The following POU6F2 variants were observed in gnomAD, a reference collection of about 807,000 sequenced individuals.
POU6F2 encodes the protein POU class 6 homeobox 2.
A neutral mutation model predicts 71.3 loss-of-function variants in POU6F2; 31 were observed. That is an observed-to-expected ratio of 0.43 (90% CI 0.33 to 0.59). POU6F2 has a LOEUF of 0.59. Ranked by LOEUF, POU6F2 falls within the 20% of genes least tolerant of loss-of-function variation. POU6F2 has a pLI of 0.04. For missense variants in POU6F2, 783 were observed against 856.8 expected (o/e 0.91, Z 1.07); for synonymous variants, 347 against 355.7 (o/e 0.98, Z 0.27).
intron 1 of POU6F2, among the ~76,000 whole-genome samples, chr7:39,002,464 C>T (rs1394331608): frequency 6.6e-6 from 1 of 152,202 alleles, no homozygotes; most frequent in Non-Finnish European, 1.5e-5. Flanking sequence ...TCTCGTGCCT[C>T]AGCCTCCCAA....
At chr7:39,285,437 C>T (rs1784635100) in intron 4 of POU6F2, among the ~76,000 whole-genome samples, 1 of 152,162 alleles carries the variant, frequency 6.6e-6, no homozygotes, top group African/African-American at 2.4e-5. Context: ...CAAAAAGGCC[C>T]TTTGAATGTG....
chr7:39,395,392 C>G (rs951143002), intron 5 of POU6F2, among the ~76,000 whole-genome samples: 11 of 152,180 alleles, frequency 7.2e-5, no homozygotes, highest in African/African-American at 2.4e-4. Context: ...TCTCACTGCC[C>G]TCACAATCAA....
intron 5 of POU6F2, among the ~76,000 whole-genome samples, chr7:39,353,765 G>A (rs1205177772): frequency 6.6e-6 from 1 of 152,048 alleles, no homozygotes; most frequent in Non-Finnish European, 1.5e-5. Flanking sequence ...GGGGCTGCAG[G>A]TCTTCACACT....
intron 4 of POU6F2, among the ~76,000 whole-genome samples, chr7:39,271,658 C>T (rs1406225142): frequency 2.0e-5 from 3 of 152,140 alleles, no homozygotes; most frequent in Non-Finnish European, 4.4e-5. Flanking sequence ...GCAAAATTCC[C>T]GTCTCGTGGC....
chr7:39,326,412 G>C (rs114823337), intron 4 of POU6F2, among the ~76,000 whole-genome samples: 1,911 of 152,338 alleles, frequency 0.013, 52 homozygotes, highest in African/African-American at 0.044. Flanking sequence ...GTGAAGGCAA[G>C]ATTCTCTGAT....
At chr7:39,098,342 A>G (rs1791497055) in intron 2 of POU6F2, among the ~76,000 whole-genome samples, 1 of 151,884 alleles carries the variant, frequency 6.6e-6, no homozygotes, top group Non-Finnish European at 1.5e-5. Flanking sequence ...CGGTGGTATG[A>G]TCATGGCTGC....
chr7:39,396,227 CA>C (rs1193906616), intron 5 of POU6F2, among the ~76,000 whole-genome samples: 1 of 152,160 alleles, frequency 6.6e-6, no homozygotes, highest in Non-Finnish European at 1.5e-5. Context: ...ACTTCAAAAT[CA>C]AATCAATGTA....
At chr7:39,413,466 CTGTA>C (rs1787597717) in intron 6 of POU6F2, among the ~76,000 whole-genome samples, 1 of 152,070 alleles carries the variant, frequency 6.6e-6, no homozygotes, top group Non-Finnish European at 1.5e-5. Context: ...GAGTTGGTGT[CTGTA>C]TGTTTTCTCA....
At chr7:39,048,120 A>G (rs1790328203) in intron 1 of POU6F2, among the ~76,000 whole-genome samples, 1 of 152,020 alleles carries the variant, frequency 6.6e-6, no homozygotes, top group African/African-American at 2.4e-5. Context: ...GAAGCTATCT[A>G]GAACTAGGAG....
chr7:39,176,449 C>T (rs1489531462), intron 2 of POU6F2, among the ~76,000 whole-genome samples: 1 of 152,154 alleles, frequency 6.6e-6, no homozygotes. Flanking sequence ...ACTCAATGCC[C>T]TCATGAAGCC....
rs1349533424 is a variant in POU6F2, at chr7:39,451,695, G to GTCAGCAGTAAGTATCCTTTCTGGC, written c.1486_1489+20dup. 2.5e-6 allele frequency: 4 copies of GTCAGCAGTAAGTATCCTTTCTGGC among 1,588,088 alleles called. No individual in the cohort carries two copies. The African/African-American group carries it at 5.4e-5, about 21-fold the overall frequency. On this transcript the variant is annotated inframe_insertion, in exon 8 of 10. Coordinates refer to ENST00000518318, the MANE Select transcript of POU6F2 (RefSeq NM_001370959.1). Reference sequence around the variant, plus strand: ...TTCAGCTTTGAGCGTGGGCCAGTTAGTCAGCAGTAAGTATCCTTTCTGGCT... The same window carrying GTCAGCAGTAAGTATCCTTTCTGGC: ...TTCAGCTTTGAGCGTGGGCCAGTTAGTCAGCAGTAAGTATCCTTTCTGGCTCAGCAGTAAGTATCCTTTCTGGCT...
chr7:39,187,902 T>C (rs977532948), intron 2 of POU6F2, among the ~76,000 whole-genome samples: 1 of 152,228 alleles, frequency 6.6e-6, no homozygotes, highest in Admixed American at 6.5e-5. Flanking sequence ...AATTCTTACA[T>C]ATTAGCCATA....
intron 2 of POU6F2, among the ~76,000 whole-genome samples, chr7:39,179,681 T>C (rs1431545394): frequency 6.6e-6 from 1 of 152,162 alleles, no homozygotes; most frequent in Non-Finnish European, 1.5e-5. Flanking sequence ...AGACCATGCT[T>C]TGAGTAGGAG....
At chr7:38,992,228 C>T (rs1788621977) in intron 1 of POU6F2, among the ~76,000 whole-genome samples, 1 of 152,190 alleles carries the variant, frequency 6.6e-6, no homozygotes, top group Admixed American at 6.6e-5. Flanking sequence ...GTTGCCTTTG[C>T]TCCATTTGTT....
intron 4 of POU6F2, among the ~76,000 whole-genome samples, chr7:39,294,142 G>T (rs1366959991): frequency 6.6e-6 from 1 of 151,724 alleles, no homozygotes; most frequent in Non-Finnish European, 1.5e-5. Flanking sequence ...GGTCTAGTGA[G>T]ATCATTTCAC....
chr7:39,089,591 G>A (rs1791321944), intron 2 of POU6F2, among the ~76,000 whole-genome samples: 1 of 152,128 alleles, frequency 6.6e-6, no homozygotes, highest in Non-Finnish European at 1.5e-5. Context: ...GTGTCAGTGT[G>A]GTGCTTCACT....
intron 4 of POU6F2, among the ~76,000 whole-genome samples, chr7:39,277,248 T>C (rs1428458655): frequency 6.6e-6 from 1 of 152,168 alleles, no homozygotes; most frequent in Non-Finnish European, 1.5e-5. Flanking sequence ...ATTTTTAAAT[T>C]TAAATTTAAG....
chr7:39,075,332 C>T (rs1562695798), intron 1 of POU6F2, among the ~76,000 whole-genome samples: 2 of 152,084 alleles, frequency 1.3e-5, no homozygotes, highest in Non-Finnish European at 2.9e-5. Flanking sequence ...TCTGGCCCAA[C>T]TCAGAAACTA....
At chr7:39,373,853 C>T (rs1786659725) in intron 5 of POU6F2, 1 of 163,978 alleles carries the variant, frequency 6.1e-6, no homozygotes, top group Non-Finnish European at 1.3e-5. Flanking sequence ...TAGATCTTAA[C>T]TCTTAATTAT....
Sources: gnomAD v4.1 joint callset for allele counts (sites outside exome capture counted in the v4.1 genomes callset) on GRCh38, gnomAD v4.1.1 for gene constraint, MANE v1.5 for transcripts, NCBI Gene and HGNC (gene_info 2026-07-23, HGNC 2026-07-21) for gene names.